The following PICALM variants were observed in gnomAD, a reference collection of about 807,000 sequenced individuals.
PICALM encodes phosphatidylinositol binding clathrin assembly protein.
In PICALM, 40 loss-of-function variants were observed where a neutral mutation model predicts 80.5. The ratio of observed to expected loss-of-function variants is 0.50; its 90% CI spans 0.39 to 0.65. PICALM has a LOEUF of 0.65. Among genes scored for constraint, PICALM ranks in the 30% least tolerant of loss-of-function variants. The probability of loss-of-function intolerance (pLI) is 0.00; values close to 1 mark genes in which losing one functional copy is unlikely to be tolerated. For missense variants in PICALM, 676 were observed against 778.9 expected (o/e 0.87, Z 1.57); for synonymous variants, 288 against 260.3 (o/e 1.11, Z -1.02).
At chr11:85,993,470 G>C (rs1001088885) in intron 12 of PICALM, among the ~76,000 whole-genome samples, 5 of 151,434 alleles carry the variant, frequency 3.3e-5, no homozygotes, top group African/African-American at 1.2e-4. Context: ...ACAGAGGTTC[G>C]CTCTGTCGCC....
At chr11:85,985,357 A>T (rs185688511) in intron 13 of PICALM, among the ~76,000 whole-genome samples, 105 of 152,308 alleles carry the variant, frequency 6.9e-4, no homozygotes, top group African/African-American at 2.4e-3. Flanking sequence ...GCTGATCCAC[A>T]CTAATGATAC....
In PICALM at chr11:86,026,338, G is replaced by A; in HGVS notation, c.303C>T (p.Asn101=). 6.2e-7 allele frequency: 1 copy of A among 1,603,136 alleles called. No individual in the cohort carries two copies. Among genetic ancestry groups the A allele is most frequent in the Non-Finnish European group, 8.5e-7 (1 of 1,172,476 alleles). Residue 101 remains asparagine (N), a synonymous_variant, in exon 3 of 20, where the codon AAC becomes AAT. Transcript: ENST00000393346. Reference sequence around the variant, plus strand: ...AAAAATTGCTTAAGTTAAACAACGTGTTTCTTGAAGCCAAATACTGAATAA... The same window carrying A: ...AAAAATTGCTTAAGTTAAACAACGTATTTCTTGAAGCCAAATACTGAATAA... ...ERFIQYLASR[N]TLFNLSNFLD...
At chr11:86,009,292 C>CAAAAAAAAA (rs10557244) in intron 7 of PICALM, among the ~76,000 whole-genome samples, 1 of 41,620 alleles carries the variant, frequency 2.4e-5, no homozygotes, top group Non-Finnish European at 3.9e-5. Flanking sequence ...GTCTCTGTCT[C>CAAAAAAAAA]AAAAAAAAAA....
At chr11:86,009,970 T>C (rs926214804) in intron 7 of PICALM, among the ~76,000 whole-genome samples, 1 of 152,220 alleles carries the variant, frequency 6.6e-6, no homozygotes, top group East Asian at 1.9e-4. Flanking sequence ...CATCCTGTTC[T>C]GTCCTATTGC....
At position 86,009,292 on chromosome 11, in the gene PICALM, C is replaced by CAAA. The variant is rs10557244; in HGVS notation, c.766-1712_766-1710dup. The stretch of plus-strand genomic sequence containing the variant: ...TGGGTGACACAGCAAGTCTCTGTCT[C>CAAA]AAAAAAAAAAAAAAAAAAAAAAAAA... On this transcript the variant is annotated intron_variant, in intron 7 of 19. Coordinates refer to ENST00000393346, the MANE Select transcript of PICALM (RefSeq NM_007166.4). Among the ~76,000 whole-genome samples the CAAA allele has an allele frequency of 7.7e-4, 32 of 41,642 alleles. 2 individuals are homozygous for CAAA. Among genetic ancestry groups the CAAA allele is most frequent in the South Asian group, 2.9e-3 (2 of 700 alleles). 27.3% of individuals were successfully genotyped at this position (41,642 alleles called of 152,430 possible). A position where few individuals can be genotyped will look rare whatever the true frequency, so the allele number is the denominator to read the frequency against.
chr11:85,969,219 G>A (rs143589091), intron 19 of PICALM, among the ~76,000 whole-genome samples: 1,855 of 152,180 alleles, frequency 0.012, 75 homozygotes, highest in Non-Finnish European at 7.2e-3. Flanking sequence ...CTCACTAAAT[G>A]GCAACAAGAT....
At chr11:86,030,825 G>T (rs1465796883) in intron 2 of PICALM, among the ~76,000 whole-genome samples, 1 of 152,106 alleles carries the variant, frequency 6.6e-6, no homozygotes, top group Non-Finnish European at 1.5e-5. Flanking sequence ...GATCAGACAA[G>T]AATCTAAAGC....
At chr11:85,985,359 T>C (rs1195808920) in intron 13 of PICALM, among the ~76,000 whole-genome samples, 1 of 152,312 alleles carries the variant, frequency 6.6e-6, no homozygotes, top group East Asian at 1.9e-4. Flanking sequence ...TGATCCACAC[T>C]AATGATACTA....
intron 1 of PICALM, among the ~76,000 whole-genome samples, chr11:86,046,043 ACT>A (rs1275155711): frequency 6.6e-6 from 1 of 152,094 alleles, no homozygotes; most frequent in Non-Finnish European, 1.5e-5. Context: ...CTTGTTTTTA[ACT>A]CTTTCTACAA....
chr11:86,017,792 G>A (rs1316259470), intron 4 of PICALM, among the ~76,000 whole-genome samples: 5 of 152,114 alleles, frequency 3.3e-5, no homozygotes, highest in East Asian at 1.9e-4. Flanking sequence ...TGATAGATAC[G>A]TAATAAAATA....
chr11:86,069,506 G>T, upstream of PICALM: 1 of 152,522 alleles, frequency 6.6e-6, no homozygotes, highest in Non-Finnish European at 1.5e-5. Flanking sequence ...CTTGACAAAG[G>T]AGGTGCAGCT....
At chr11:85,978,373 A>G (rs926015950) in intron 17 of PICALM, 2 of 231,108 alleles carry the variant, frequency 8.7e-6, no homozygotes, top group African/African-American at 2.3e-5. Flanking sequence ...CAGTGTCAAC[A>G]GTGCAAAATT....
At chr11:86,021,513 G>GAAA (rs2095562456) in intron 4 of PICALM, among the ~76,000 whole-genome samples, 2 of 143,462 alleles carry the variant, frequency 1.4e-5, no homozygotes. Flanking sequence ...AAAAAAAAAG[G>GAAA]CAAAAAAAAA....
chr11:86,055,151 T>C (rs1200678413), intron 1 of PICALM, among the ~76,000 whole-genome samples: 1 of 151,678 alleles, frequency 6.6e-6, no homozygotes, highest in Non-Finnish European at 1.5e-5. Flanking sequence ...GACAACATGG[T>C]GAAACCCCCG....
intron 2 of PICALM, among the ~76,000 whole-genome samples, chr11:86,027,220 G>C (rs1406757212): frequency 6.6e-6 from 1 of 152,070 alleles, no homozygotes; most frequent in East Asian, 1.9e-4. Flanking sequence ...CCATGCATAA[G>C]TATATGAGTA....
At chr11:85,990,008 C>CAAAAAAAAAAAAAAAAA (rs5793177) in intron 13 of PICALM, among the ~76,000 whole-genome samples, 1 of 89,332 alleles carries the variant, frequency 1.1e-5, no homozygotes, top group Non-Finnish European at 2.1e-5. Flanking sequence ...AACCAAACAC[C>CAAAAAAAAAAAAAAAAA]AAAAAAAAAA....
At chr11:86,046,676 A>G (rs2096076134) in intron 1 of PICALM, among the ~76,000 whole-genome samples, 1 of 152,218 alleles carries the variant, frequency 6.6e-6, no homozygotes, top group Non-Finnish European at 1.5e-5. Context: ...CTTGCACTCA[A>G]TCTTAAGAGT....
chr11:85,966,892 T>C (rs140875437), intron 19 of PICALM, among the ~76,000 whole-genome samples: 1 of 152,352 alleles, frequency 6.6e-6, no homozygotes, highest in East Asian at 1.9e-4. Flanking sequence ...GACCCTCCTC[T>C]AGAAAATTCA....
intron 18 of PICALM, among the ~76,000 whole-genome samples, 160 bp from the exon 19 acceptor site, chr11:85,974,972 G>A (rs113239914): frequency 2.0e-5 from 3 of 152,208 alleles, no homozygotes; most frequent in African/African-American, 4.8e-5. Flanking sequence ...ACAAACTTTC[G>A]AGAGTATTTT....
Sources: allele counts gnomAD v4.1 joint callset (sites outside exome capture counted in the v4.1 genomes callset), GRCh38; gene constraint gnomAD v4.1.1; transcripts MANE v1.5; gene names NCBI Gene and HGNC (gene_info 2026-07-23, HGNC 2026-07-21).